Variants in CSNK1G1 observed in about 807,000 individuals in gnomAD.
CSNK1G1 encodes casein kinase 1 gamma 1.
In CSNK1G1, 22 loss-of-function variants were observed where a neutral mutation model predicts 59.6. That is an observed-to-expected ratio of 0.37 (90% CI 0.26 to 0.53). CSNK1G1 has a LOEUF of 0.53. Ranked by LOEUF, CSNK1G1 falls within the 20% of genes least tolerant of loss-of-function variation. The probability of loss-of-function intolerance (pLI) is 0.89; values close to 1 mark genes in which losing one functional copy is unlikely to be tolerated. For missense variants in CSNK1G1, 384 were observed against 519.5 expected (o/e 0.74, Z 2.54); for synonymous variants, 179 against 177.1 (o/e 1.01, Z -0.08).
At chr15:64,269,789 C>T (rs972405800) in intron 2 of CSNK1G1, among the ~76,000 whole-genome samples, 1 of 151,208 alleles carries the variant, frequency 6.6e-6, no homozygotes, top group Non-Finnish European at 1.5e-5. Context: ...CCACCATGCC[C>T]GGCCTCTGAT....
At chr15:64,253,731 A>C (rs1289961955) in intron 3 of CSNK1G1, among the ~76,000 whole-genome samples, 1 of 152,216 alleles carries the variant, frequency 6.6e-6, no homozygotes, top group African/African-American at 2.4e-5. Flanking sequence ...AGTATTATTC[A>C]ACCTTAAAAA....
intron 4 of CSNK1G1, among the ~76,000 whole-genome samples, chr15:64,239,378 T>C (rs1349728980): frequency 6.6e-6 from 1 of 151,208 alleles, no homozygotes; most frequent in Non-Finnish European, 1.5e-5. Flanking sequence ...TTTTTCTTTG[T>C]TTTTGTTTTT....
chr15:64,321,520 T>TC (rs996983586), intron 1 of CSNK1G1, among the ~76,000 whole-genome samples: 2 of 152,120 alleles, frequency 1.3e-5, no homozygotes, highest in Non-Finnish European at 2.9e-5. Context: ...TGCTTCAACC[T>TC]CCCAAAGGGC....
chr15:64,304,921 T>G (rs1457661004), intron 1 of CSNK1G1, among the ~76,000 whole-genome samples: 1 of 152,202 alleles, frequency 6.6e-6, no homozygotes, highest in Non-Finnish European at 1.5e-5. Flanking sequence ...CTACTACTTC[T>G]TCATCCACCA....
chr15:64,299,560 C>G (rs1204295932), intron 2 of CSNK1G1, among the ~76,000 whole-genome samples: 2 of 151,472 alleles, frequency 1.3e-5, no homozygotes, highest in Non-Finnish European at 2.9e-5. Flanking sequence ...CCACTGCACT[C>G]CAGCCTGGGC....
In CSNK1G1 at chr15:64,207,495, ACTTT is replaced by A; in HGVS notation, c.765+10_765+13del. The A allele has an allele frequency of 1.9e-6, 3 of 1,585,936 alleles. No homozygotes were observed. Among genetic ancestry groups the A allele is most frequent in the Non-Finnish European group, 2.6e-6 (3 of 1,154,560 alleles). ...ATTGAAACAAAGCCCTCCACTGAACACTTTCAAGGATACCTTGAGTCCTTGCCAG... is the reference window on the plus strand; with the variant it reads ...ATTGAAACAAAGCCCTCCACTGAACACAAGGATACCTTGAGTCCTTGCCAG... On this transcript the variant is annotated intron_variant, in intron 7 of 11. Transcript: ENST00000303052.
At chr15:64,296,045 C>G (rs1895002650) in intron 2 of CSNK1G1, among the ~76,000 whole-genome samples, 1 of 152,172 alleles carries the variant, frequency 6.6e-6, no homozygotes, top group African/African-American at 2.4e-5. Context: ...CAGCAGAAAT[C>G]CTGTCCTATC....
intron 10 of CSNK1G1, among the ~76,000 whole-genome samples, chr15:64,190,069 C>T (rs1169901716): frequency 6.6e-6 from 1 of 152,188 alleles, no homozygotes; most frequent in Non-Finnish European, 1.5e-5. Flanking sequence ...ATCCGCCTGC[C>T]TCAGCCTCCC....
intron 1 of CSNK1G1, among the ~76,000 whole-genome samples, chr15:64,303,786 C>T (rs1028118296): frequency 3.3e-5 from 5 of 150,646 alleles, no homozygotes; most frequent in South Asian, 2.1e-4. Context: ...GGCATGGTGG[C>T]GCACACCTGT....
At position 64,180,470 on chromosome 15, in the gene CSNK1G1, A is replaced by C; in HGVS notation, c.1108-16T>G. 6.2e-7 allele frequency: 1 copy of C among 1,601,676 alleles called. No homozygotes were observed. On this transcript the variant is annotated splice_polypyrimidine_tract_variant and intron_variant, in intron 10 of 11. Coordinates refer to ENST00000303052, the MANE Select transcript of CSNK1G1 (RefSeq NM_022048.5). ...AGCTAACCACCTGAAACAGAAAGAC[A>C]GAAGTGTGTGACAGGCACCATGGCA... is the stretch of plus-strand genomic sequence containing the variant.
chr15:64,180,297 A>G, intron 11 of CSNK1G1, 51 bp downstream of exon 11: 1 of 1,354,346 alleles, frequency 7.4e-7, no homozygotes, highest in Non-Finnish European at 1.1e-6. Context: ...GAAGAGACAG[A>G]AAAGATTTTT....
chr15:64,208,586 T>G (rs1454323020), intron 6 of CSNK1G1, among the ~76,000 whole-genome samples: 2 of 152,210 alleles, frequency 1.3e-5, no homozygotes, highest in Non-Finnish European at 2.9e-5. Flanking sequence ...TAGGCTTGAG[T>G]GCAGTGTTGT....
intron 10 of CSNK1G1, chr15:64,194,359 G>T (rs534428596): frequency 1.6e-4 from 24 of 150,810 alleles, no homozygotes; most frequent in African/African-American, 5.6e-4. Context: ...TTTTTTTAAG[G>T]TATTCATTTT....
At chr15:64,204,805 T>C in intron 8 of CSNK1G1, 60 bp downstream of exon 8, 1 of 1,240,698 alleles carries the variant, frequency 8.1e-7, no homozygotes, top group Non-Finnish European at 1.2e-6. Flanking sequence ...AGATACCCAG[T>C]CATGGACTCT....
chr15:64,297,811 G>GT (rs138676140), intron 2 of CSNK1G1, among the ~76,000 whole-genome samples: 1,892 of 152,240 alleles, frequency 0.012, 29 homozygotes, highest in African/African-American at 0.044. Flanking sequence ...CCATGATGTA[G>GT]GCTGACTGCA....
chr15:64,189,091 A>G (rs1454123607), intron 10 of CSNK1G1, among the ~76,000 whole-genome samples: 1 of 152,110 alleles, frequency 6.6e-6, no homozygotes, highest in Non-Finnish European at 1.5e-5. Context: ...GCGCCACTGC[A>G]CTCCAGCCTG....
At chr15:64,309,940 T>A (rs1286670381) in intron 1 of CSNK1G1, among the ~76,000 whole-genome samples, 1 of 138,362 alleles carries the variant, frequency 7.2e-6, no homozygotes, top group East Asian at 2.2e-4. Flanking sequence ...TGAGACCCCA[T>A]CTCTACAAAC....
At chr15:64,218,570 G>T (rs1050390193) in intron 4 of CSNK1G1, among the ~76,000 whole-genome samples, 1 of 151,192 alleles carries the variant, frequency 6.6e-6, no homozygotes, top group African/African-American at 2.4e-5. Flanking sequence ...TGCATTTTTT[G>T]GAGAGACAGG....
intron 4 of CSNK1G1, among the ~76,000 whole-genome samples, chr15:64,226,930 T>A (rs2082470562): frequency 6.6e-6 from 1 of 152,188 alleles, no homozygotes; most frequent in Non-Finnish European, 1.5e-5. Context: ...CCCAGTCCCA[T>A]TACACTTTCT....
Sources: gnomAD v4.1 joint callset for allele counts (sites outside exome capture counted in the v4.1 genomes callset) on GRCh38, gnomAD v4.1.1 for gene constraint, MANE v1.5 for transcripts, NCBI Gene and HGNC (gene_info 2026-07-23, HGNC 2026-07-21) for gene names.